C4orf51: variants seen among roughly 807,000 people sequenced by gnomAD.
C4orf51 encodes the protein chromosome 4 open reading frame 51, also known as uncharacterized protein C4orf51.
A neutral mutation model predicts 25.2 loss-of-function variants in C4orf51; 25 were observed. That is an observed-to-expected ratio of 0.99 (90% CI 0.72 to 1.39). The LOEUF (loss-of-function observed/expected upper bound fraction) is 1.39, where lower values mean the gene tolerates loss of function less well. Among genes scored for constraint, C4orf51 ranks in the 40% most tolerant of loss-of-function variants. C4orf51 has a pLI of 0.00. For synonymous variants in C4orf51, 100 were observed against 84.5 expected (o/e 1.18, Z -1.01); for missense variants, 252 against 239.6 (o/e 1.05, Z -0.34).
the C4orf51 span, among the ~76,000 whole-genome samples, chr4:145,783,564 T>G: frequency 2.6e-5 from 4 of 152,260 alleles, no homozygotes; most frequent in African/African-American, 9.6e-5. Context: ...TATTTTCAGT[T>G]AACCCAACAG....
At chr4:145,724,938 A>C (rs1731967374) in intron 2 of C4orf51, among the ~76,000 whole-genome samples, 1 of 151,270 alleles carries the variant, frequency 6.6e-6, no homozygotes, top group South Asian at 2.1e-4. Flanking sequence ...GTGAAAAAGC[A>C]CAATGATATC....
At chr4:145,731,196 T>C (rs1295074920) in intron 5 of C4orf51, among the ~76,000 whole-genome samples, 1 of 152,198 alleles carries the variant, frequency 6.6e-6, no homozygotes, top group Non-Finnish European at 1.5e-5. Context: ...AATCATTAAC[T>C]ATTGTTAAAT....
downstream of C4orf51, among the ~76,000 whole-genome samples, chr4:145,737,602 T>C (rs1211659355): frequency 6.6e-6 from 1 of 152,186 alleles, no homozygotes; most frequent in African/African-American, 2.4e-5. Flanking sequence ...AGGGCTTGTA[T>C]GTCTGAGAAG....
chr4:145,726,083 A>G (rs1162468835), intron 2 of C4orf51, among the ~76,000 whole-genome samples: 2 of 152,200 alleles, frequency 1.3e-5, no homozygotes, highest in African/African-American at 4.8e-5. Context: ...ACACAAAAAT[A>G]TTTACCTCTC....
downstream of C4orf51, chr4:145,775,986 C>T (rs1470470665): frequency 6.2e-7 from 1 of 1,613,476 alleles, no homozygotes; most frequent in African/African-American, 1.3e-5. Flanking sequence ...CAGGAAAAAG[C>T]CCAAATCGCT....
At chr4:145,698,568 C>G (rs1329435100) in intron 2 of C4orf51, among the ~76,000 whole-genome samples, 1 of 152,088 alleles carries the variant, frequency 6.6e-6, no homozygotes, top group African/African-American at 2.4e-5. Flanking sequence ...ACAAATGAAG[C>G]CTACAGGTAG....
chr4:145,704,593 T>C (rs749846260), intron 2 of C4orf51, among the ~76,000 whole-genome samples: 5 of 152,240 alleles, frequency 3.3e-5, no homozygotes, highest in Non-Finnish European at 7.3e-5. Context: ...TGTCTGTTTT[T>C]ATGCCAGTGC....
chr4:145,680,382 C>G lies in C4orf51; in HGVS notation c.179C>G (p.Ser60Cys). 2.5e-6 allele frequency: 4 copies of G among 1,613,924 alleles called. No individual in the cohort carries two copies. In the South Asian group the frequency reaches 4.4e-5, roughly 18 times the overall value. Residue 60 changes from serine to cysteine, a missense_variant, in exon 1 of 6, where the codon TCC becomes TGC. Coordinates refer to ENST00000438731, the MANE Select transcript of C4orf51 (RefSeq NM_001080531.3). ...TACCGGAAAAAACAACTGGACAAGT[C>G]CATGTGCAGCCAATTTTCTTTTAGA... ...GSYRKKQLDK[S>C]MCSQFSFRAG...
intron 1 of C4orf51, among the ~76,000 whole-genome samples, chr4:145,752,454 C>T (rs910326519): frequency 6.6e-6 from 1 of 152,198 alleles, no homozygotes; most frequent in African/African-American, 2.4e-5. Context: ...TGAGCTAGGG[C>T]CTGGAATCGG....
At chr4:145,683,107 C>A (rs1381927019) in intron 1 of C4orf51, among the ~76,000 whole-genome samples, 1 of 151,900 alleles carries the variant, frequency 6.6e-6, no homozygotes, top group African/African-American at 2.4e-5. Context: ...TATATATGAG[C>A]AATAAGCAAG....
chr4:145,732,385 T>TC (rs1427404503), intron 5 of C4orf51, 68 bp from the exon 6 acceptor site: 1 of 949,242 alleles, frequency 1.1e-6, no homozygotes, highest in Non-Finnish European at 1.7e-6. Context: ...ACCATTTAAT[T>TC]CCCAATTCTG....
intron 2 of C4orf51, among the ~76,000 whole-genome samples, chr4:145,697,343 C>T (rs943314371): frequency 1.3e-5 from 2 of 152,034 alleles, no homozygotes; most frequent in African/African-American, 4.8e-5. Flanking sequence ...TGTGATCTGC[C>T]CAACTTGGCC....
At chr4:145,687,011 C>T (rs11737020) in intron 1 of C4orf51, among the ~76,000 whole-genome samples, 20 of 98,384 alleles carry the variant, frequency 2.0e-4, no homozygotes, top group Admixed American at 7.1e-4. Flanking sequence ...GTGGGGGGGG[C>T]GGTTTCCTTC....
chr4:145,790,351 AAGAAC>A, the C4orf51 span, among the ~76,000 whole-genome samples: 1 of 152,150 alleles, frequency 6.6e-6, no homozygotes, highest in South Asian at 2.1e-4. Context: ...ACTAAATGAA[AAGAAC>A]AGATCACTAT....
intron 1 of C4orf51, among the ~76,000 whole-genome samples, chr4:145,744,421 G>C (rs1036418799): frequency 3.9e-5 from 6 of 152,176 alleles, no homozygotes; most frequent in African/African-American, 1.4e-4. Flanking sequence ...AAACCAAATT[G>C]TTAAGTCCTT....
chr4:145,760,707 T>G, intron 1 of C4orf51: 6 of 1,028,746 alleles, frequency 5.8e-6, no homozygotes, highest in African/African-American at 1.8e-5. Context: ...TGGGGTTGTG[T>G]TTAAGTTTTG....
chr4:145,775,345 C>T (rs1736893510), downstream of C4orf51, among the ~76,000 whole-genome samples: 1 of 151,962 alleles, frequency 6.6e-6, no homozygotes. Context: ...AATCCACATA[C>T]TAAAGTGTGA....
At chr4:145,791,029 T>C in the C4orf51 span, among the ~76,000 whole-genome samples, 3 of 152,244 alleles carry the variant, frequency 2.0e-5, no homozygotes, top group Non-Finnish European at 4.4e-5. Context: ...TGTTGGTTTA[T>C]GTAATTATTT....
intron 1 of C4orf51, among the ~76,000 whole-genome samples, chr4:145,686,816 T>A (rs1008971468): frequency 2.6e-5 from 4 of 152,216 alleles, no homozygotes; most frequent in African/African-American, 4.8e-5. Flanking sequence ...ATTATCATAA[T>A]GAAGCACTGA....
Sources: allele counts gnomAD v4.1 joint callset (sites outside exome capture counted in the v4.1 genomes callset), GRCh38; gene constraint gnomAD v4.1.1; transcripts MANE v1.5; gene names NCBI Gene and HGNC (gene_info 2026-07-23, HGNC 2026-07-21).